Variants in PCDHGA3 observed in about 807,000 individuals in gnomAD.
PCDHGA3 encodes the protein protocadherin gamma-A3.
PCDHGA3 carries 40 observed loss-of-function variants against 58.5 expected under a neutral mutation model. The ratio of observed to expected loss-of-function variants is 0.68; its 90% CI spans 0.53 to 0.89. PCDHGA3 has a LOEUF of 0.89. Ranked by LOEUF, PCDHGA3 falls within the 40% of genes least tolerant of loss-of-function variation. PCDHGA3 has a pLI of 0.00. For synonymous variants in PCDHGA3, 530 were observed against 525.7 expected, an observed-to-expected ratio of 1.01 and a Z score of -0.11; for missense variants, 1,223 against 1,195.9, an observed-to-expected ratio of 1.02 and a Z score of -0.33.
At chr5:141,398,657 G>C in intron 1 of PCDHGA3, 1 of 1,614,018 alleles carries the variant, frequency 6.2e-7, no homozygotes, top group African/African-American at 1.3e-5. Flanking sequence ...CTTAACCCAA[G>C]TTTCTCATTA....
In PCDHGA3 at chr5:141,344,347, AAATT is replaced by A; in HGVS notation, c.317_320del (p.Ile106ThrfsTer8). 1 of 1,613,958 alleles carries A rather than the reference AAATT, an allele frequency of 6.2e-7. No homozygotes were observed. The highest frequency in any genetic ancestry group is 1.7e-5 in the Admixed American group (1 of 60,026). On this transcript the variant is annotated frameshift_variant, in exon 1 of 4. Coordinates refer to ENST00000253812, the MANE Select transcript of PCDHGA3 (RefSeq NM_018916.4). LOFTEE classifies it high-confidence loss of function. The stretch of plus-strand genomic sequence containing the variant: ...GCTCAGATCCCGCTGTGTCTGGTAA[AAATT>A]AACATTCTGGTTGAGGATAAATTGA...
chr5:141,432,031 C>T lies in PCDHGA3; in HGVS notation c.2425-62776C>T. The T allele has an allele frequency of 6.2e-7, 1 of 1,614,220 alleles. No individual in the cohort carries two copies. Among genetic ancestry groups the T allele is most frequent in the Non-Finnish European group, 8.5e-7 (1 of 1,180,048 alleles). ...CTAGCTACAACATCACAGTGACCGC[C>T]ACTGACCGGGGAACCCCGCCCCTAT... On this transcript the variant is annotated intron_variant, in intron 1 of 3. Coordinates refer to ENST00000253812, the MANE Select transcript of PCDHGA3 (RefSeq NM_018916.4). This position sits in a 1 kb window ranked among gnomAD's most constrained non-coding sequence, Gnocchi z 6.0.
intron 1 of PCDHGA3, chr5:141,410,427 A>G (rs746046310): frequency 1.4e-5 from 22 of 1,613,832 alleles, no homozygotes; most frequent in East Asian, 1.1e-4. Flanking sequence ...GTTCCCCCCA[A>G]CTACAGTGAG....
chr5:141,414,443 A>G (rs1413718059), intron 1 of PCDHGA3: 1 of 1,613,892 alleles, frequency 6.2e-7, no homozygotes, highest in Non-Finnish European at 8.5e-7. Flanking sequence ...TCCTCTTACA[A>G]TATCACAGTG....
intron 1 of PCDHGA3, chr5:141,390,163 C>A: frequency 1.2e-6 from 2 of 1,613,992 alleles, no homozygotes; most frequent in South Asian, 1.1e-5. Flanking sequence ...ACAGGAAAGA[C>A]GGAGTTTAAT....
In PCDHGA3 at chr5:141,357,221, A is replaced by G. The variant is rs201265946; in HGVS notation, c.2424+10764A>G. The stretch of plus-strand genomic sequence containing the variant: ...GACAGCATCCCAGATGTCCTGGCTG[A>G]CTTGGGCAGCCTCAAGCCTTCAGCA... On this transcript the variant is annotated intron_variant, in intron 1 of 3. Coordinates refer to ENST00000253812, the MANE Select transcript of PCDHGA3 (RefSeq NM_018916.4). 7.9e-5 allele frequency: 128 copies of G among 1,613,582 alleles called. No individual in the cohort carries two copies. Among genetic ancestry groups the G allele is most frequent in the Admixed American group, 2.2e-4 (13 of 59,986 alleles).
At chr5:141,356,453 A>T (rs757674087) in intron 1 of PCDHGA3, 1 of 1,613,360 alleles carries the variant, frequency 6.2e-7, no homozygotes. Context: ...GTCTCAGAAT[A>T]TAACATCACT....
At position 141,344,753 on chromosome 5, in the gene PCDHGA3, A is replaced by G. The variant is rs1324624459; in HGVS notation, c.720A>G (p.Pro240=). The G allele has an allele frequency of 6.2e-7, 1 of 1,613,906 alleles. No homozygotes were observed. Among genetic ancestry groups the G allele is most frequent in the Non-Finnish European group, 8.5e-7 (1 of 1,179,876 alleles). The change falls in exon 1 of 4, where the codon CCA becomes CCG. Residue 240 remains proline, a synonymous_variant. Transcript: ENST00000253812. ...TCCTGGATGCAAATGACAACCCACCAATGTTTACTCAGCCTGAGTACCGTG... is the reference window on the plus strand; with the variant it reads ...TCCTGGATGCAAATGACAACCCACCGATGTTTACTCAGCCTGAGTACCGTG... ...VIVLDANDNP[P]MFTQPEYRVS...
intron 1 of PCDHGA3, chr5:141,408,047 A>C (rs1038145479): frequency 2.4e-6 from 3 of 1,243,316 alleles, no homozygotes; most frequent in Non-Finnish European, 3.2e-6. Context: ...GCTCCCACAC[A>C]GAGCCTCCCG....
rs112156044 is a variant in PCDHGA3, at chr5:141,476,771, G to T, written c.2425-18036G>T. ...CCAGTTAGTGCTGACGGCGTTGGAC[G>T]GAGGGACCCCAGCTCTCTCCGCCAG... On this transcript the variant is annotated intron_variant, in intron 1 of 3. Coordinates refer to ENST00000253812, the MANE Select transcript of PCDHGA3 (RefSeq NM_018916.4). The surrounding 1 kb of genome is among the most constrained non-coding windows in gnomAD (Gnocchi z 7.6). The T allele has an allele frequency of 6.2e-7, 1 of 1,613,700 alleles. No homozygotes were observed. The highest frequency in any genetic ancestry group is 1.1e-5 in the South Asian group (1 of 91,084).
At chr5:141,403,652 G>C in intron 1 of PCDHGA3, 1 of 1,613,908 alleles carries the variant, frequency 6.2e-7, no homozygotes, top group South Asian at 1.1e-5. Context: ...GACAGTGTTG[G>C]ATACAAATGA....
rs914637211 is a variant in PCDHGA3, at chr5:141,422,245, G to C, written c.2425-72562G>C. The C allele has an allele frequency of 2.2e-5, 34 of 1,566,540 alleles. No individual in the cohort carries two copies. Among genetic ancestry groups the C allele is most frequent in the Non-Finnish European group, 2.8e-5 (32 of 1,162,588 alleles). On this transcript the variant is annotated intron_variant, in intron 1 of 3. Coordinates refer to ENST00000253812, the MANE Select transcript of PCDHGA3 (RefSeq NM_018916.4). ...CACGACGATGTTGATCACTGTTGTG[G>C]ATGTGAATGATAACGCTCCAGAAAT...
intron 2 of PCDHGA3, among the ~76,000 whole-genome samples, chr5:141,499,576 G>C (rs2099792836): frequency 1.3e-5 from 2 of 151,790 alleles, no homozygotes; most frequent in Non-Finnish European, 2.9e-5. Context: ...TTCAACTAAT[G>C]CCTTATCTTG....
At chr5:141,351,742 G>A (rs772414660) in intron 1 of PCDHGA3, 14 of 1,613,558 alleles carry the variant, frequency 8.7e-6, no homozygotes, top group Admixed American at 5.0e-5. Flanking sequence ...ACCTGGAGCC[G>A]CGGGAGCTGT....
intron 1 of PCDHGA3, chr5:141,367,040 T>C: frequency 2.8e-6 from 1 of 353,316 alleles, no homozygotes; most frequent in Non-Finnish European, 5.1e-6. Flanking sequence ...TGCAGTTCTA[T>C]TAATAGAAAA....
chr5:141,477,168 A>C lies in PCDHGA3; in HGVS notation c.2425-17639A>C, dbSNP rs763187246. 1 of 1,614,210 alleles carries C rather than the reference A, an allele frequency of 6.2e-7. No homozygotes were observed. The highest frequency in any genetic ancestry group is 8.5e-7 in the Non-Finnish European group (1 of 1,180,040). On this transcript the variant is annotated intron_variant, in intron 1 of 3. Transcript: ENST00000253812. This position sits in a 1 kb window ranked among gnomAD's most constrained non-coding sequence, Gnocchi z 4.9. ...GTGGATGTGAATGACAACGCCCCGG[A>C]GATCACAGTCACCTCCGTGTACAGC...
chr5:141,374,093 C>G (rs1039229802), intron 1 of PCDHGA3: 2 of 1,554,704 alleles, frequency 1.3e-6, no homozygotes, highest in South Asian at 1.2e-5. Context: ...AATGGCGCCT[C>G]CGCAGAGGCA....
chr5:141,362,714 C>G, intron 1 of PCDHGA3: 1 of 916,370 alleles, frequency 1.1e-6, no homozygotes, highest in South Asian at 1.8e-5. Context: ...AGTGTTTTCT[C>G]TCTGAAGTGT....
At chr5:141,384,379 G>A (rs1780024386) in intron 1 of PCDHGA3, 2 of 1,613,934 alleles carry the variant, frequency 1.2e-6, no homozygotes, top group Non-Finnish European at 8.5e-7. Context: ...CTTGGCCGAA[G>A]ACACCATCCA....
Sources: allele counts gnomAD v4.1 joint callset (sites outside exome capture counted in the v4.1 genomes callset), GRCh38; gene constraint gnomAD v4.1.1; non-coding constraint Gnocchi (gnomAD v3.1); transcripts MANE v1.5; gene names NCBI Gene and HGNC (gene_info 2026-07-23, HGNC 2026-07-21).